PRR14L: variants seen among roughly 807,000 people sequenced by gnomAD.
The protein encoded by PRR14L is proline rich 14 like.
In PRR14L, 80 loss-of-function variants were observed where a neutral mutation model predicts 155.0. The observed-to-expected ratio is 0.52, with a 90% CI of 0.43 to 0.62. The LOEUF (loss-of-function observed/expected upper bound fraction) is 0.62. Ranked by LOEUF, PRR14L falls within the 20% of genes least tolerant of loss-of-function variation. The pLI, the probability that PRR14L is intolerant of heterozygous loss-of-function variation, is 0.00. For missense variants in PRR14L, 2,469 were observed against 2,548.0 expected, an observed-to-expected ratio of 0.97 and a Z score of 0.67; for synonymous variants, 883 against 916.0, an observed-to-expected ratio of 0.96 and a Z score of 0.65.
At position 31,703,687 on chromosome 22, in the gene PRR14L, A is replaced by G; in HGVS notation, c.5863T>C (p.Ser1955Pro). ...ACAGCTGATTCTGCTACCAAGCAAG[A>G]CTTTGGTACCAAGGCAGGGAATGGA... Reference protein sequence around the residue: ...EPPFPALVPKSCLVAESAVSK... With the variant: ...EPPFPALVPKPCLVAESAVSK... The change falls in exon 6 of 9, where the codon TCT becomes CCT. Residue 1955 changes from serine to proline, a missense_variant. Ser to Pro is a moderately conservative substitution (Grantham distance 74). This residue lies in a region of PRR14L where 2,363 missense variants were observed against 2,371.6 expected (regional missense o/e 1.00). Coordinates refer to ENST00000327423, the MANE Select transcript of PRR14L (RefSeq NM_173566.3). 1 of 1,605,486 alleles carries G rather than the reference A, an allele frequency of 6.2e-7. No individual in the cohort carries two copies.
intron 2 of PRR14L, among the ~76,000 whole-genome samples, chr22:31,733,759 A>T (rs2074763973): frequency 6.6e-6 from 1 of 152,146 alleles, no homozygotes; most frequent in African/African-American, 2.4e-5. Context: ...TGAACCAGAT[A>T]CGTTGTCATA....
At chr22:31,722,155 C>A (rs1386267082) in intron 3 of PRR14L, among the ~76,000 whole-genome samples, 14 of 152,060 alleles carry the variant, frequency 9.2e-5, no homozygotes, top group Admixed American at 9.2e-4. Flanking sequence ...CTGGGCCGGG[C>A]GCGGTGGCTC....
chr22:31,725,599 C>G lies in PRR14L; in HGVS notation c.486G>C (p.Leu162=). Reference sequence around the variant, plus strand: ...GTGAAAGTTCTTTGCTGGACTGCATCAGGAGATCCTCCTACAGTAAGAAAA... The same window carrying G: ...GTGAAAGTTCTTTGCTGGACTGCATGAGGAGATCCTCCTACAGTAAGAAAA... ...EKTSPSQEDL[L]MQSSKELSHV... The change falls in exon 3 of 9, where the codon CTG becomes CTC. Residue 162 remains leucine (L), a synonymous_variant. Transcript: ENST00000327423. The G allele has an allele frequency of 6.5e-7, 1 of 1,549,808 alleles. No individual in the cohort carries two copies. The highest frequency in any genetic ancestry group is 1.2e-5 in the South Asian group (1 of 84,012).
At chr22:31,697,196 G>A (rs1318212776) in intron 7 of PRR14L, among the ~76,000 whole-genome samples, 2 of 151,822 alleles carry the variant, frequency 1.3e-5, no homozygotes, top group Non-Finnish European at 2.9e-5. Context: ...CAGCTACTCG[G>A]GAGGCTGAGC....
intron 7 of PRR14L, among the ~76,000 whole-genome samples, chr22:31,688,712 T>C (rs1489489222): frequency 6.6e-6 from 1 of 152,166 alleles, no homozygotes; most frequent in Non-Finnish European, 1.5e-5. Flanking sequence ...TTGTGCTGCT[T>C]TGCAATGTTT....
Position 31,715,832 on chromosome 22 carries a change from GT to G in PRR14L, c.2006del (p.Asp669AlafsTer6). On this transcript the variant is annotated frameshift_variant, in exon 4 of 9. Coordinates refer to ENST00000327423, the MANE Select transcript of PRR14L (RefSeq NM_173566.3). LOFTEE classifies it high-confidence loss of function. ...NSQEHANLPT[D>X]SLLHLNKEMP... Reference sequence around the variant, plus strand: ...TCTCTTTGTTTAAATGCAGTAGAGAGTCAGTTGGCAAATTTGCATGTTCTTG... The same window carrying G: ...TCTCTTTGTTTAAATGCAGTAGAGAGCAGTTGGCAAATTTGCATGTTCTTG... 6.4e-7 allele frequency: 1 copy of G among 1,551,666 alleles called. No individual in the cohort carries two copies. The highest frequency in any genetic ancestry group is 8.7e-7 in the Non-Finnish European group (1 of 1,146,932).
rs1601523290 is a variant in PRR14L, at chr22:31,750,108, C to CA, written c.-168_-167insT. The CA allele has an allele frequency of 6.6e-6, 1 of 152,528 alleles. No individual in the cohort carries two copies. Among genetic ancestry groups the CA allele is most frequent in the East Asian group, 1.9e-4 (1 of 5,194 alleles). The allele number at this position is 152,528 out of a possible 1,614,324, so 9.4% of individuals were successfully genotyped here. A position where few individuals can be genotyped will look rare whatever the true frequency, so the allele number is the denominator to read the frequency against. On this transcript the variant is annotated 5_prime_UTR_variant, in exon 1 of 9. Transcript: ENST00000327423. Reference sequence around the variant, plus strand: ...GAGCCGACAGAGGCCGGGGGCGCTCCGGCCGCCGCCACCTCTTCGTCTCTA... The same window carrying CA: ...GAGCCGACAGAGGCCGGGGGCGCTCCAGGCCGCCGCCACCTCTTCGTCTCTA...
intron 7 of PRR14L, among the ~76,000 whole-genome samples, chr22:31,695,423 A>G (rs981097955): frequency 6.6e-6 from 1 of 152,018 alleles, no homozygotes; most frequent in African/African-American, 2.4e-5. Flanking sequence ...TGATTAATAT[A>G]TGTTGGGGTG....
chr22:31,734,683 CT>C (rs1369587548), intron 2 of PRR14L, among the ~76,000 whole-genome samples: 1 of 152,212 alleles, frequency 6.6e-6, no homozygotes, highest in Non-Finnish European at 1.5e-5. Context: ...TGACTGTTCT[CT>C]TTCACAAGTT....
intron 2 of PRR14L, among the ~76,000 whole-genome samples, chr22:31,736,845 T>C (rs1003023489): frequency 1.3e-5 from 2 of 151,850 alleles, no homozygotes; most frequent in Non-Finnish European, 2.9e-5. Context: ...GAACCCAGCC[T>C]GGTCAACACA....
intron 3 of PRR14L, among the ~76,000 whole-genome samples, chr22:31,723,867 A>G (rs1021708667): frequency 2.0e-5 from 3 of 152,186 alleles, no homozygotes; most frequent in Non-Finnish European, 4.4e-5. Flanking sequence ...GCAGTCCCCA[A>G]CCCTGGGCCA....
At chr22:31,740,658 AC>A (rs1453498644) in intron 1 of PRR14L, among the ~76,000 whole-genome samples, 2 of 152,054 alleles carry the variant, frequency 1.3e-5, no homozygotes, top group Non-Finnish European at 2.9e-5. Flanking sequence ...ACCATGCCTG[AC>A]CCACACTTTC....
chr22:31,689,991 A>T (rs2074503082), intron 7 of PRR14L, among the ~76,000 whole-genome samples: 1 of 151,328 alleles, frequency 6.6e-6, no homozygotes, highest in Non-Finnish European at 1.5e-5. Flanking sequence ...ATCTCGGCTC[A>T]CTGCAACCTC....
At chr22:31,745,099 C>T (rs1313134639) in intron 1 of PRR14L, among the ~76,000 whole-genome samples, 6 of 152,194 alleles carry the variant, frequency 3.9e-5, no homozygotes, top group Admixed American at 3.3e-4. Flanking sequence ...TAAACATGGC[C>T]GGGTGCTTTG....
intron 2 of PRR14L, among the ~76,000 whole-genome samples, chr22:31,734,423 C>T (rs9621324): frequency 6.6e-6 from 1 of 152,134 alleles, no homozygotes; most frequent in Non-Finnish European, 1.5e-5. Flanking sequence ...GATATTTTGT[C>T]AATATAGCAA....
intron 1 of PRR14L, among the ~76,000 whole-genome samples, chr22:31,740,825 A>G (rs2074808785): frequency 1.3e-5 from 2 of 152,192 alleles, no homozygotes; most frequent in Non-Finnish European, 2.9e-5. Flanking sequence ...GGTAACACAG[A>G]AAGGCGAATT....
Position 31,708,839 on chromosome 22 carries a change from T to G in PRR14L, c.5756+3244A>C, listed in dbSNP as rs542740280. Among the ~76,000 whole-genome samples, 7 of 152,140 alleles carry G rather than the reference T, an allele frequency of 4.6e-5. No homozygotes were observed. The South Asian group carries it at 1.5e-3, about 32-fold the overall frequency. ...TGGGATTTATTTTTTTATTTTTTAT[T>G]TTTTGAGACGGAGTTTCACTCTTGT... On this transcript the variant is annotated intron_variant, in intron 4 of 8. Coordinates refer to ENST00000327423, the MANE Select transcript of PRR14L (RefSeq NM_173566.3).
In PRR14L at chr22:31,737,096, C is replaced by T. The variant is rs148862812; in HGVS notation, c.474+1291G>A. Among the ~76,000 whole-genome samples, 699 of 146,150 alleles carry T rather than the reference C, an allele frequency of 4.8e-3. 8 individuals are homozygous for T. Among genetic ancestry groups the T allele is most frequent in the Non-Finnish European group, 8.1e-3 (543 of 66,858 alleles). On this transcript the variant is annotated intron_variant, in intron 2 of 8. Transcript: ENST00000327423. ...CCTGCAAAGCCTAAAAGATTTACTACGTGGCCCCTGATAGAAAAAATTTGC... is the reference window on the plus strand; with the variant it reads ...CCTGCAAAGCCTAAAAGATTTACTATGTGGCCCCTGATAGAAAAAATTTGC...
chr22:31,713,114 T>C lies in PRR14L; in HGVS notation c.4725A>G (p.Arg1575=), dbSNP rs2074633006. ...LSLCTLSAPT[R]LEPETAPTKS... is the part of the protein sequence containing the mutation. ...TGGTAGGTGCTGTTTCAGGTTCTAA[T>C]CGTGTAGGTGCAGACAGAGTACACA... is the stretch of plus-strand genomic sequence containing the variant. Residue 1575 remains arginine (R), a synonymous_variant, in exon 4 of 9, where the codon CGA becomes CGG. Transcript: ENST00000327423. 3 of 1,552,244 alleles carry C rather than the reference T, an allele frequency of 1.9e-6. No individual in the cohort carries two copies. The highest frequency in any genetic ancestry group is 4.9e-5 in the East Asian group (2 of 40,928).
Sources: allele counts gnomAD v4.1 joint callset (sites outside exome capture counted in the v4.1 genomes callset), GRCh38; gene constraint gnomAD v4.1.1; regional missense constraint gnomAD v4.1.1; transcripts MANE v1.5; gene names NCBI Gene and HGNC (gene_info 2026-07-23, HGNC 2026-07-21).